The following NLRC4 variants were observed in gnomAD, a reference collection of about 807,000 sequenced individuals.
NLRC4 encodes the protein NLR family CARD domain containing 4.
A neutral mutation model predicts 79.9 loss-of-function variants in NLRC4; 63 were observed. The observed-to-expected ratio is 0.79, with a 90% CI of 0.64 to 0.97. NLRC4 has a LOEUF of 0.97. Among genes scored for constraint, NLRC4 ranks in the 50% least tolerant of loss-of-function variants. NLRC4 has a pLI of 0.00. For synonymous variants in NLRC4, 461 were observed against 456.5 expected, an observed-to-expected ratio of 1.01 and a Z score of -0.12; for missense variants, 1,074 against 1,215.2, an observed-to-expected ratio of 0.88 and a Z score of 1.73.
chr2:32,257,059 G>A (rs1264183892), intron 1 of NLRC4, among the ~76,000 whole-genome samples, 166 bp from the exon 2 acceptor site: 1 of 152,198 alleles, frequency 6.6e-6, no homozygotes, highest in Non-Finnish European at 1.5e-5. Context: ...GAGAACCCAG[G>A]CGGCTGGACT....
chr2:32,230,075 A>T (rs1686494413), intron 8 of NLRC4, among the ~76,000 whole-genome samples: 1 of 152,182 alleles, frequency 6.6e-6, no homozygotes, highest in Non-Finnish European at 1.5e-5. Flanking sequence ...CACAGTCAAT[A>T]AAATGATGTC....
chr2:32,235,458 G>A lies in NLRC4; in HGVS notation c.2725C>T (p.Leu909Phe), dbSNP rs1377629339. ...LLKHLEEVPQ[L>F]VKLGLKNWRL... ...CAGTTTTTCAACCCAAGCTTGACGA[G>A]TTGTGGGACCTCCTCCAAATGTTTC... Residue 909 changes from leucine to phenylalanine, a missense_variant, in exon 8 of 9, where the codon CTC becomes TTC. Coordinates refer to ENST00000402280, the MANE Select transcript of NLRC4 (RefSeq NM_001199138.2). 6.2e-7 allele frequency: 1 copy of A among 1,614,132 alleles called. No homozygotes were observed. Among genetic ancestry groups the A allele is most frequent in the Non-Finnish European group, 8.5e-7 (1 of 1,179,960 alleles).
chr2:32,233,990 T>A (rs984668602), intron 8 of NLRC4, among the ~76,000 whole-genome samples: 1 of 152,144 alleles, frequency 6.6e-6, no homozygotes, highest in Admixed American at 6.5e-5. Context: ...TATGTGTGTG[T>A]ATATATGGGA....
intron 4 of NLRC4, among the ~76,000 whole-genome samples, chr2:32,248,329 C>G (rs1686986788): frequency 6.6e-6 from 1 of 152,222 alleles, no homozygotes; most frequent in Non-Finnish European, 1.5e-5. Flanking sequence ...CTGGCCATGA[C>G]AGGATGGGAG....
intron 1 of NLRC4, among the ~76,000 whole-genome samples, chr2:32,259,349 C>A (rs1687285828): frequency 7.1e-6 from 1 of 140,130 alleles, no homozygotes; most frequent in Non-Finnish European, 1.5e-5. Flanking sequence ...CTAAAGTGAT[C>A]TGTCTGCCTC....
intron 1 of NLRC4, among the ~76,000 whole-genome samples, chr2:32,259,159 C>G (rs805831): frequency 0.71 from 107,978 of 151,510 alleles, 38,830 homozygotes; most frequent in African/African-American, 0.75. Flanking sequence ...GCAGTGGCCC[C>G]ATCATGGCTC....
rs75596492 is a variant in NLRC4, at chr2:32,263,765, T to C, written c.-119+973A>G. ...TGTGGGAATATAAATTTCTGTTGTTTAAGCCACCCAGTCTATGGTATTTTA... is the reference window on the plus strand; with the variant it reads ...TGTGGGAATATAAATTTCTGTTGTTCAAGCCACCCAGTCTATGGTATTTTA... On this transcript the variant is annotated intron_variant, in intron 1 of 8. Coordinates refer to ENST00000402280, the MANE Select transcript of NLRC4 (RefSeq NM_001199138.2). Among the ~76,000 whole-genome samples, 39 of 152,324 alleles carry C rather than the reference T, an allele frequency of 2.6e-4. 1 individual carries two copies. The East Asian group carries it at 6.9e-3, about 27-fold the overall frequency.
At chr2:32,247,377 T>A (rs1686962672) in intron 4 of NLRC4, among the ~76,000 whole-genome samples, 1 of 149,984 alleles carries the variant, frequency 6.7e-6, no homozygotes, top group Admixed American at 6.6e-5. Context: ...TGCAATGGCG[T>A]GATCTCGGCC....
At position 32,252,649 on chromosome 2, in the gene NLRC4, AG is replaced by A; in HGVS notation, c.31del (p.Ile12PhefsTer6). On this transcript the variant is annotated frameshift_variant, in exon 3 of 9. Transcript: ENST00000402280. LOFTEE classifies it high-confidence loss of function. ...AACAGTCATTCCCATTCTTTGAATA[AG>A]GGCTCGGCTATTGTCCTTTATGAAA... MNFIKDNSRA[L>X]IQRMGMTVIK... 6.2e-7 allele frequency: 1 copy of A among 1,613,512 alleles called. No individual in the cohort carries two copies. The highest frequency in any genetic ancestry group is 8.5e-7 in the Non-Finnish European group (1 of 1,179,384).
intron 2 of NLRC4, 144 bp from the exon 3 acceptor site, chr2:32,252,823 C>T (rs943500028): frequency 7.7e-5 from 49 of 634,600 alleles, no homozygotes; most frequent in Non-Finnish European, 1.6e-5. Context: ...TCGAGACCAT[C>T]CTGGCTAACA....
Position 32,264,858 on chromosome 2 carries a change from C to G in NLRC4, c.-239G>C, listed in dbSNP as rs571370715. The G allele has an allele frequency of 1.1e-4, 16 of 151,988 alleles. No homozygotes were observed. Among genetic ancestry groups the G allele is most frequent in the African/African-American group, 3.6e-4 (15 of 41,456 alleles). 9.4% of individuals were successfully genotyped at this position (151,988 alleles called of 1,614,324 possible). On this transcript the variant is annotated 5_prime_UTR_variant, in exon 1 of 9. Transcript: ENST00000402280. ...CGAGTTCTTGTAGACCAGATACCTT[C>G]TTGTTCTGTGAGAGGACAGTGTACA...
intron 8 of NLRC4, 89 bp from the exon 9 acceptor site, chr2:32,224,854 T>A (rs1274221042): frequency 1.3e-6 from 1 of 771,306 alleles, no homozygotes; most frequent in Non-Finnish European, 2.0e-6. Flanking sequence ...TACATACTTT[T>A]TTTTCACTCT....
At chr2:32,249,399 C>T (rs1369858300) in intron 4 of NLRC4, among the ~76,000 whole-genome samples, 1 of 152,186 alleles carries the variant, frequency 6.6e-6, no homozygotes, top group Non-Finnish European at 1.5e-5. Flanking sequence ...TTAGCCAACC[C>T]ATTCAACATA....
intron 1 of NLRC4, among the ~76,000 whole-genome samples, chr2:32,260,753 G>A (rs1327894739): frequency 1.3e-5 from 2 of 152,062 alleles, no homozygotes; most frequent in African/African-American, 4.8e-5. Context: ...ACATAGTGCC[G>A]GCCAGATAGA....
intron 1 of NLRC4, among the ~76,000 whole-genome samples, chr2:32,262,539 C>G (rs1341270803): frequency 6.6e-6 from 1 of 152,112 alleles, no homozygotes; most frequent in Non-Finnish European, 1.5e-5. Flanking sequence ...CTTGGGGAGA[C>G]TGAGGAGGGT....
intron 1 of NLRC4, among the ~76,000 whole-genome samples, chr2:32,257,465 G>C (rs1031467254): frequency 6.6e-6 from 1 of 152,118 alleles, no homozygotes; most frequent in African/African-American, 2.4e-5. Flanking sequence ...AAATTAGCGG[G>C]GCGTGGTGGC....
At chr2:32,241,663 C>CCA (rs1441349512) in intron 4 of NLRC4, among the ~76,000 whole-genome samples, 3 of 152,136 alleles carry the variant, frequency 2.0e-5, no homozygotes, top group Non-Finnish European at 2.9e-5. Context: ...CAGGCGTGAG[C>CCA]CACTGCGCCT....
intron 1 of NLRC4, among the ~76,000 whole-genome samples, chr2:32,261,316 C>CCCCTTTTTTTTTTT: frequency 1.3e-4 from 13 of 96,916 alleles, no homozygotes; most frequent in Admixed American, 2.4e-4. Flanking sequence ...AGCCTCCCCC[C>CCCCTTTTTTTTTTT]TTTTGTTTTT....
At chr2:32,262,843 A>C (rs948281436) in intron 1 of NLRC4, among the ~76,000 whole-genome samples, 25 of 151,628 alleles carry the variant, frequency 1.6e-4, no homozygotes, top group African/African-American at 6.0e-4. Flanking sequence ...TGGCCCTGCA[A>C]CCCCTCCCCG....
Sources: gnomAD v4.1 joint callset for allele counts (sites outside exome capture counted in the v4.1 genomes callset) on GRCh38, gnomAD v4.1.1 for gene constraint, MANE v1.5 for transcripts, NCBI Gene and HGNC (gene_info 2026-07-23, HGNC 2026-07-21) for gene names.